Variants in SEC22C observed in about 807,000 individuals in gnomAD.
SEC22C encodes the protein SEC22 homolog C, vesicle trafficking protein, also known as vesicle-trafficking protein SEC22c.
SEC22C carries 29 observed loss-of-function variants against 34.7 expected under a neutral mutation model. The ratio of observed to expected loss-of-function variants is 0.84; its 90% confidence interval spans 0.62 to 1.14. SEC22C has a LOEUF of 1.14. SEC22C is among the 50% of genes most tolerant of loss of function. SEC22C has a pLI of 0.00. For missense variants in SEC22C, 337 were observed against 369.0 expected, an observed-to-expected ratio of 0.91 and a Z score of 0.71; for synonymous variants, 117 against 132.8, an observed-to-expected ratio of 0.88 and a Z score of 0.82.
At position 42,569,406 on chromosome 3, in the gene SEC22C, T is replaced by C. The variant is rs183946261; in HGVS notation, c.-27-333A>G. Among the ~76,000 whole-genome samples, 70 of 152,186 alleles carry C rather than the reference T, an allele frequency of 4.6e-4. No homozygotes were observed. In the East Asian group the frequency reaches 0.012, roughly 27 times the overall value. On this transcript the variant is annotated intron_variant, in intron 1 of 6. Coordinates refer to ENST00000264454, the MANE Select transcript of SEC22C (RefSeq NM_032970.4). ...GAGGGCTCAGGACCAACAGTAGTAA[T>C]GGCAGGTAGCAGGACACAGAGCAAG...
chr3:42,592,057 CA>C (rs1704870515), intron 1 of SEC22C, among the ~76,000 whole-genome samples: 1 of 152,116 alleles, frequency 6.6e-6, no homozygotes, highest in Non-Finnish European at 1.5e-5. Context: ...CACACAAAGA[CA>C]AACAAAGGAT....
chr3:42,590,831 G>A (rs1303439342), intron 1 of SEC22C: 2 of 1,543,702 alleles, frequency 1.3e-6, no homozygotes, highest in Non-Finnish European at 1.8e-6. Flanking sequence ...AATCAACTTC[G>A]AGAGCGTAGG....
rs1702104266 is a variant in SEC22C, at chr3:42,548,766, G to T, written c.*4482C>A. On this transcript the variant is annotated 3_prime_UTR_variant, in exon 7 of 7. Transcript: ENST00000264454. ...TGCTACCTTTTGGAGTGAAAAAAAT[G>T]AGGTTTACACTGTAGTATAACAAAA... 1 of 1,582,502 alleles carries T rather than the reference G, an allele frequency of 6.3e-7. No individual in the cohort carries two copies. The highest frequency in any genetic ancestry group is 8.6e-7 in the Non-Finnish European group (1 of 1,161,698).
upstream of SEC22C, among the ~76,000 whole-genome samples, chr3:42,585,801 GTGCTACATACA>G (rs1194572490): frequency 6.6e-6 from 1 of 152,136 alleles, no homozygotes; most frequent in African/African-American, 2.4e-5. Context: ...ACACAGATCA[GTGCTACATACA>G]TTGTCAACTT....
chr3:42,574,065 T>C (rs545798536), intron 1 of SEC22C, among the ~76,000 whole-genome samples: 1 of 152,000 alleles, frequency 6.6e-6, no homozygotes, highest in Non-Finnish European at 1.5e-5. Context: ...AAGCCCAACT[T>C]ATGAAAACTA....
intron 3 of SEC22C, among the ~76,000 whole-genome samples, chr3:42,562,316 C>T (rs886768648): frequency 1.3e-5 from 2 of 152,190 alleles, no homozygotes; most frequent in Admixed American, 6.5e-5. Context: ...ACAGGTCTAC[C>T]GAGCTCCAAA....
intron 1 of SEC22C, among the ~76,000 whole-genome samples, chr3:42,575,997 AT>A (rs1433293918): frequency 6.6e-6 from 1 of 152,222 alleles, no homozygotes; most frequent in Admixed American, 6.5e-5. Context: ...ATTTAAAATA[AT>A]TTATACAAAG....
chr3:42,561,084 T>C (rs1559515729), intron 4 of SEC22C, 33 bp downstream of exon 4: 1 of 1,593,492 alleles, frequency 6.3e-7, no homozygotes, highest in Non-Finnish European at 8.6e-7. Flanking sequence ...ACAATATCAC[T>C]TCATCAACAT....
upstream of SEC22C, among the ~76,000 whole-genome samples, chr3:42,583,116 G>C (rs1305112780): frequency 6.6e-6 from 1 of 152,196 alleles, no homozygotes; most frequent in Non-Finnish European, 1.5e-5. Flanking sequence ...GGATTTTATG[G>C]ACCATAGTGG....
intron 1 of SEC22C, among the ~76,000 whole-genome samples, chr3:42,575,957 T>C (rs933054722): frequency 6.6e-6 from 1 of 152,130 alleles, no homozygotes; most frequent in Admixed American, 6.6e-5. Context: ...AGATAGACCA[T>C]ATCCTGGACT....
intron 2 of SEC22C, 63 bp from the exon 3 acceptor site, chr3:42,563,749 C>T: frequency 6.2e-7 from 1 of 1,605,780 alleles, no homozygotes; most frequent in Admixed American, 1.7e-5. Flanking sequence ...CATCCCACAC[C>T]CAGACACAAC....
intron 1 of SEC22C, among the ~76,000 whole-genome samples, chr3:42,580,680 G>A (rs1207884574): frequency 6.6e-6 from 1 of 152,210 alleles, no homozygotes; most frequent in African/African-American, 2.4e-5. Flanking sequence ...CAGCTGTAAG[G>A]CTCAAGAGGT....
At position 42,561,088 on chromosome 3, in the gene SEC22C, T is replaced by C. The variant is rs57070656; in HGVS notation, c.526+29A>G. The stretch of plus-strand genomic sequence containing the variant: ...ATTTGAAATACACAATATCACTTCA[T>C]CAACATCAGGGAACAACAAGCCACT... On this transcript the variant is annotated intron_variant, in intron 4 of 6. Coordinates refer to ENST00000264454, the MANE Select transcript of SEC22C (RefSeq NM_032970.4). The C allele has an allele frequency of 1.3e-3, 2,066 of 1,595,582 alleles. 27 individuals carry two copies. The African/African-American group carries it at 0.023, about 18-fold the overall frequency.
intron 1 of SEC22C, chr3:42,591,324 G>C: frequency 1.7e-6 from 1 of 593,416 alleles, no homozygotes; most frequent in Non-Finnish European, 3.0e-6. Context: ...TCAGCCTCCT[G>C]AGTAGCTGGG....
intron 1 of SEC22C, chr3:42,590,908 C>T (rs550152621): frequency 1.9e-6 from 3 of 1,599,482 alleles, no homozygotes; most frequent in East Asian, 2.3e-5. Flanking sequence ...ATGTCGGTGG[C>T]CTTCGTACCG....
intron 6 of SEC22C, 29 bp from the exon 7 acceptor site, chr3:42,553,477 A>T (rs768980498): frequency 3.1e-6 from 5 of 1,605,798 alleles, no homozygotes. Flanking sequence ...AGGAATTCCA[A>T]TCAGAGATAA....
chr3:42,596,224 G>A (rs1399330886), intron 1 of SEC22C, among the ~76,000 whole-genome samples: 3 of 152,066 alleles, frequency 2.0e-5, no homozygotes, highest in Admixed American at 2.0e-4. Flanking sequence ...GTTTCTCCAT[G>A]TTGGTCAGGC....
chr3:42,589,370 G>T (rs1372017178), intron 1 of SEC22C, among the ~76,000 whole-genome samples: 1 of 152,204 alleles, frequency 6.6e-6, no homozygotes, highest in African/African-American at 2.4e-5. Flanking sequence ...AGCTTGCTCA[G>T]GATCAGGGCC....
At chr3:42,582,728 G>T (rs1417533896), upstream of SEC22C, among the ~76,000 whole-genome samples, 1 of 152,132 alleles carries the variant, frequency 6.6e-6, no homozygotes, top group Non-Finnish European at 1.5e-5. Flanking sequence ...AAGCTTCTAG[G>T]CTGGTGTTGG....
Sources: gnomAD v4.1 joint callset for allele counts (sites outside exome capture counted in the v4.1 genomes callset) on GRCh38, gnomAD v4.1.1 for gene constraint, MANE v1.5 for transcripts, NCBI Gene and HGNC (gene_info 2026-07-23, HGNC 2026-07-21) for gene names.